Variants in PHF21A observed in about 807,000 individuals in gnomAD.
PHF21A encodes the protein PHD finger protein 21A.
Under a neutral mutation model 82.5 loss-of-function variants are expected in PHF21A, and 11 were observed. The ratio of observed to expected loss-of-function variants is 0.13; its 90% CI spans 0.08 to 0.22. The LOEUF (loss-of-function observed/expected upper bound fraction) is 0.22, where lower values mean the gene tolerates loss of function less well. Among genes scored for constraint, PHF21A ranks in the 10% least tolerant of loss-of-function variants. The pLI is 1.00. For missense variants in PHF21A, 579 were observed against 837.8 expected, an observed-to-expected ratio of 0.69 and a Z score of 3.81; for synonymous variants, 297 against 302.8, an observed-to-expected ratio of 0.98 and a Z score of 0.20.
intron 6 of PHF21A, among the ~76,000 whole-genome samples, chr11:46,072,485 G>A (rs977788009): frequency 2.0e-5 from 3 of 152,230 alleles, no homozygotes; most frequent in African/African-American, 7.2e-5. Context: ...TGGGTTCCCT[G>A]ACATCGTGGA....
chr11:45,973,685 T>C (rs912414277), intron 7 of PHF21A, among the ~76,000 whole-genome samples: 3 of 152,374 alleles, frequency 2.0e-5, no homozygotes, highest in Middle Eastern at 3.4e-3. Context: ...GACTGCATTA[T>C]CAGCAATTTG....
intron 15 of PHF21A, among the ~76,000 whole-genome samples, chr11:45,939,891 T>G (rs2090014971): frequency 6.6e-6 from 1 of 151,542 alleles, no homozygotes; most frequent in South Asian, 2.1e-4. Flanking sequence ...AAGGGAAGAC[T>G]GAAGGGAAGT....
intron 7 of PHF21A, among the ~76,000 whole-genome samples, chr11:45,973,142 A>T (rs1372003732): frequency 6.6e-6 from 1 of 152,216 alleles, no homozygotes; most frequent in Non-Finnish European, 1.5e-5. Flanking sequence ...TAAAACAAAA[A>T]CAAAATTAAA....
chr11:45,970,848 G>A, intron 8 of PHF21A: 1 of 448,350 alleles, frequency 2.2e-6, no homozygotes, highest in African/African-American at 2.0e-5. Context: ...GTATGCCTCT[G>A]TGAAGGAGAC....
intron 14 of PHF21A, 165 bp from the exon 15 acceptor site, chr11:45,946,168 G>A: frequency 2.0e-6 from 3 of 1,485,412 alleles, no homozygotes; most frequent in Non-Finnish European, 2.8e-6. Flanking sequence ...AGGAAGAGAA[G>A]CAAAGATTTA....
At chr11:46,039,678 T>C (rs1348190664) in intron 6 of PHF21A, among the ~76,000 whole-genome samples, 4 of 152,164 alleles carry the variant, frequency 2.6e-5, no homozygotes, top group African/African-American at 9.7e-5. Flanking sequence ...TTAAGTTTGA[T>C]ATTGCACTCC....
At chr11:46,043,067 C>T (rs1446349944) in intron 6 of PHF21A, among the ~76,000 whole-genome samples, 1 of 152,090 alleles carries the variant, frequency 6.6e-6, no homozygotes, top group African/African-American at 2.4e-5. Flanking sequence ...CCTACCCCTC[C>T]TTTCCATAAA....
At chr11:45,940,601 C>T (rs2135226148) in intron 15 of PHF21A, among the ~76,000 whole-genome samples, 2 of 152,250 alleles carry the variant, frequency 1.3e-5, no homozygotes, top group Middle Eastern at 6.8e-3. Flanking sequence ...AACTTCTAGG[C>T]ACCAAAAGAG....
intron 1 of PHF21A, among the ~76,000 whole-genome samples, chr11:46,113,248 GAACT>G (rs1476397267): frequency 6.6e-6 from 1 of 152,144 alleles, no homozygotes; most frequent in Non-Finnish European, 1.5e-5. Flanking sequence ...AAGAAAGTCT[GAACT>G]ATCTAGCACA....
intron 1 of PHF21A, among the ~76,000 whole-genome samples, chr11:46,099,523 GACACACACAC>G (rs71038882): frequency 5.4e-4 from 74 of 137,672 alleles, no homozygotes; most frequent in African/African-American, 9.6e-4. Context: ...AGAAAAATTA[GACACACACAC>G]ACACACACAC....
intron 13 of PHF21A, among the ~76,000 whole-genome samples, 185 bp from the exon 14 acceptor site, chr11:45,949,131 A>G (rs1306101909): frequency 2.6e-5 from 4 of 152,234 alleles, no homozygotes; most frequent in African/African-American, 9.6e-5. Flanking sequence ...CTCTCAGAGA[A>G]GCCTGCCTCT....
chr11:46,054,299 C>A (rs1472803861), intron 6 of PHF21A, among the ~76,000 whole-genome samples: 1 of 152,050 alleles, frequency 6.6e-6, no homozygotes, highest in Non-Finnish European at 1.5e-5. Flanking sequence ...TCTTCTCTAG[C>A]AAGATTCAAA....
chr11:46,066,581 C>G (rs1335078075), intron 6 of PHF21A, among the ~76,000 whole-genome samples: 1 of 151,920 alleles, frequency 6.6e-6, no homozygotes, highest in African/African-American at 2.4e-5. Flanking sequence ...TGCCTGTAGC[C>G]CCAGCCACTT....
intron 6 of PHF21A, among the ~76,000 whole-genome samples, chr11:45,992,991 A>G (rs1476239847): frequency 6.6e-6 from 1 of 152,188 alleles, no homozygotes; most frequent in African/African-American, 2.4e-5. Flanking sequence ...AGAAAACTGA[A>G]AACTACCTTG....
rs956706473 is a variant in PHF21A, at chr11:45,932,998, A to G, written c.*970T>C. On this transcript the variant is annotated 3_prime_UTR_variant, in exon 19 of 19. Coordinates refer to ENST00000676320, the MANE Select transcript of PHF21A (RefSeq NM_001352027.3). This position sits in a 1 kb window ranked among gnomAD's most constrained non-coding sequence, Gnocchi z 4.3. ...AAAAACAAAAATTAAAGAAAGAGAAAAGAAACGTCTCCATTCAATTCACAC... is the reference window on the plus strand; with the variant it reads ...AAAAACAAAAATTAAAGAAAGAGAAGAGAAACGTCTCCATTCAATTCACAC... 1.3e-5 allele frequency: 2 copies of G among 152,674 alleles called. No individual in the cohort carries two copies. Among genetic ancestry groups the G allele is most frequent in the Admixed American group, 6.5e-5 (1 of 15,294 alleles). 9.5% of individuals were successfully genotyped at this position (152,674 alleles called of 1,614,324 possible). A position where few individuals can be genotyped will look rare whatever the true frequency, so the allele number is the denominator to read the frequency against.
rs139575416 is a variant in PHF21A at position 46,104,039 on chromosome 11, A to G, written c.-236-11816T>C. 5.7e-3 allele frequency among the ~76,000 whole-genome samples: 864 copies of G among 152,332 alleles called. 5 individuals carry two copies. Among genetic ancestry groups the G allele is most frequent in the African/African-American group, 0.02 (827 of 41,576 alleles). On this transcript the variant is annotated intron_variant, in intron 1 of 18. Coordinates refer to ENST00000676320, the MANE Select transcript of PHF21A (RefSeq NM_001352027.3). ...CTAGGCTCAACATAGGTAGCTTATG[A>G]CAATTAAATATAGAAAGAAAATAAC...
chr11:46,013,639 G>C (rs2095456318), intron 6 of PHF21A, among the ~76,000 whole-genome samples: 1 of 152,136 alleles, frequency 6.6e-6, no homozygotes, highest in Non-Finnish European at 1.5e-5. Context: ...TTTCATTGCT[G>C]TGCGAACATC....
At position 45,933,664 on chromosome 11, in the gene PHF21A, A is replaced by T; in HGVS notation, c.*304T>A. On this transcript the variant is annotated 3_prime_UTR_variant, in exon 19 of 19. Transcript: ENST00000676320. ...CCATCGTGGCTGTGGAGGCTGCTGCAGGCACACACTGGTGTATAATAGAGA... is the reference window on the plus strand; with the variant it reads ...CCATCGTGGCTGTGGAGGCTGCTGCTGGCACACACTGGTGTATAATAGAGA... The T allele has an allele frequency of 4.1e-6, 1 of 242,660 alleles. No individual in the cohort carries two copies. The highest frequency in any genetic ancestry group is 7.9e-6 in the Non-Finnish European group (1 of 127,388). The allele number at this position is 242,660 out of a possible 1,614,324, so 15.0% of individuals were successfully genotyped here.
At chr11:46,083,263 G>A (rs191059969) in intron 4 of PHF21A, among the ~76,000 whole-genome samples, 15 of 152,028 alleles carry the variant, frequency 9.9e-5, no homozygotes, top group Non-Finnish European at 1.5e-4. Context: ...AACGAGATCC[G>A]GAGCAGCAGC....
Sources: allele counts gnomAD v4.1 joint callset (sites outside exome capture counted in the v4.1 genomes callset), GRCh38; gene constraint gnomAD v4.1.1; non-coding constraint Gnocchi (gnomAD v3.1); transcripts MANE v1.5; gene names NCBI Gene and HGNC (gene_info 2026-07-23, HGNC 2026-07-21).